APIP: variants seen among roughly 807,000 people sequenced by gnomAD.
APIP encodes APAF1 interacting protein.
A neutral mutation model predicts 32.0 loss-of-function variants in APIP; 32 were observed. That is an observed-to-expected ratio of 1.00 (90% confidence interval 0.76 to 1.34). The LOEUF is 1.34. Among genes scored for constraint, APIP ranks in the 40% most tolerant of loss-of-function variants. The pLI, the probability that APIP is intolerant of heterozygous loss-of-function variation, is 0.00. For missense variants in APIP, 247 were observed against 298.6 expected, an observed-to-expected ratio of 0.83 and a Z score of 1.27; for synonymous variants, 92 against 94.8, an observed-to-expected ratio of 0.97 and a Z score of 0.17.
intron 1 of APIP, among the ~76,000 whole-genome samples, chr11:34,908,099 A>G (rs1282706009): frequency 6.6e-6 from 1 of 152,256 alleles, no homozygotes; most frequent in African/African-American, 2.4e-5. Context: ...AAGATGTTAC[A>G]ACTGATTCAA....
intron 1 of APIP, among the ~76,000 whole-genome samples, chr11:34,913,030 T>C (rs1204804121): frequency 6.6e-6 from 1 of 152,054 alleles, no homozygotes; most frequent in African/African-American, 2.4e-5. Flanking sequence ...TAAAAGTCAT[T>C]CTTGACTTCT....
At chr11:34,889,738 G>A (rs1323590456) in intron 3 of APIP, among the ~76,000 whole-genome samples, 1 of 151,990 alleles carries the variant, frequency 6.6e-6, no homozygotes, top group East Asian at 1.9e-4. Flanking sequence ...TGCGGTATTT[G>A]ATTTTTCTGT....
At chr11:34,885,597 C>T (rs551349950) in intron 5 of APIP, among the ~76,000 whole-genome samples, 7 of 152,104 alleles carry the variant, frequency 4.6e-5, no homozygotes, top group African/African-American at 9.7e-5. Context: ...AATTGTCAGT[C>T]GGCCACTTTG....
At chr11:34,885,196 A>G (rs1243638680) in intron 5 of APIP, among the ~76,000 whole-genome samples, 2 of 148,190 alleles carry the variant, frequency 1.3e-5, no homozygotes, top group African/African-American at 2.5e-5. Context: ...ATATATACCT[A>G]TATAACTATA....
At chr11:34,895,667 C>T (rs1853256918) in intron 1 of APIP, among the ~76,000 whole-genome samples, 2 of 151,972 alleles carry the variant, frequency 1.3e-5, no homozygotes, top group South Asian at 4.1e-4. Flanking sequence ...AAGCAAATTA[C>T]AAAAAACACT....
At chr11:34,895,706 A>G (rs1853257517) in intron 1 of APIP, among the ~76,000 whole-genome samples, 1 of 152,046 alleles carries the variant, frequency 6.6e-6, no homozygotes, top group Admixed American at 6.6e-5. Flanking sequence ...ATACTTGCTT[A>G]ACCCATTTTA....
At chr11:34,891,383 T>C (rs1853184327) in intron 2 of APIP, among the ~76,000 whole-genome samples, 1 of 152,218 alleles carries the variant, frequency 6.6e-6, no homozygotes, top group Admixed American at 6.5e-5. Context: ...CTGGATATCT[T>C]TGATAACTTA....
chr11:34,895,144 A>C, intron 1 of APIP, 34 bp from the exon 2 acceptor site: 2 of 1,558,124 alleles, frequency 1.3e-6, no homozygotes, highest in Non-Finnish European at 1.8e-6. Context: ...TAAAACAGAC[A>C]TCATTTTATC....
chr11:34,897,294 C>G (rs1336646004), intron 1 of APIP, among the ~76,000 whole-genome samples: 1 of 152,118 alleles, frequency 6.6e-6, no homozygotes, highest in African/African-American at 2.4e-5. Context: ...AAGTCTAATC[C>G]ACATTACTGG....
intron 5 of APIP, among the ~76,000 whole-genome samples, chr11:34,884,375 A>T (rs555573331): frequency 1.6e-4 from 25 of 152,378 alleles, no homozygotes; most frequent in African/African-American, 6.0e-4. Flanking sequence ...CATTATCATT[A>T]AGAGTATAGA....
At chr11:34,883,301 G>A in intron 6 of APIP, 36 bp downstream of exon 6, 1 of 1,552,484 alleles carries the variant, frequency 6.4e-7, no homozygotes, top group Non-Finnish European at 8.7e-7. Flanking sequence ...TTAGCGGGTG[G>A]TAACTTGTTC....
At chr11:34,890,041 T>C (rs1343321376) in intron 3 of APIP, among the ~76,000 whole-genome samples, 1 of 152,184 alleles carries the variant, frequency 6.6e-6, no homozygotes, top group Non-Finnish European at 1.5e-5. Flanking sequence ...GTGTTTGCTT[T>C]AACTAGATTT....
intron 1 of APIP, among the ~76,000 whole-genome samples, chr11:34,912,375 G>A (rs1185710299): frequency 6.6e-6 from 1 of 152,178 alleles, no homozygotes; most frequent in Non-Finnish European, 1.5e-5. Flanking sequence ...TCTTGAGAGC[G>A]AAGGTTTTGG....
At chr11:34,886,937 T>A (rs1853082905) in intron 5 of APIP, among the ~76,000 whole-genome samples, 1 of 152,128 alleles carries the variant, frequency 6.6e-6, no homozygotes. Context: ...CCATCCACAG[T>A]GACAAGTGAC....
Position 34,888,908 on chromosome 11 carries a change from G to T in APIP, c.208-39C>A, listed in dbSNP as rs764438346. On this transcript the variant is annotated intron_variant, in intron 3 of 6. Transcript: ENST00000395787. ...GGAAAAAAAGAAAAAAAGAAGGCTT[G>T]TAAAATATCAATTAGAAATGTTCCT... 28 of 1,196,846 alleles carry T rather than the reference G, an allele frequency of 2.3e-5. No homozygotes were observed. The South Asian group carries it at 4.7e-4, about 20-fold the overall frequency. The allele number at this position is 1,196,846 out of a possible 1,614,324, so 74.1% of individuals were successfully genotyped here. A position where few individuals can be genotyped will look rare whatever the true frequency, so the allele number is the denominator to read the frequency against.
At chr11:34,893,868 C>T (rs967127687) in intron 2 of APIP, among the ~76,000 whole-genome samples, 1 of 152,180 alleles carries the variant, frequency 6.6e-6, no homozygotes, top group Non-Finnish European at 1.5e-5. Flanking sequence ...ATATGCAATG[C>T]AGCCTCCTTG....
At chr11:34,888,946 A>G (rs998545693) in intron 3 of APIP, 77 bp from the exon 4 acceptor site, 7 of 821,292 alleles carry the variant, frequency 8.5e-6, no homozygotes, top group Middle Eastern at 2.3e-4. Flanking sequence ...TCTTGTGTAC[A>G]TATACATAAG....
At chr11:34,905,964 G>A (rs187710617) in intron 1 of APIP, among the ~76,000 whole-genome samples, 93 of 152,244 alleles carry the variant, frequency 6.1e-4, no homozygotes, top group East Asian at 4.0e-3. Flanking sequence ...CTAATTTTTC[G>A]AAACTCCATT....
intron 2 of APIP, among the ~76,000 whole-genome samples, chr11:34,891,338 C>T (rs773447932): frequency 6.6e-6 from 1 of 152,156 alleles, no homozygotes; most frequent in Non-Finnish European, 1.5e-5. Context: ...AAACAAACGT[C>T]CCTTGGCTCA....
Sources: allele counts gnomAD v4.1 joint callset (sites outside exome capture counted in the v4.1 genomes callset), GRCh38; gene constraint gnomAD v4.1.1; transcripts MANE v1.5; gene names NCBI Gene and HGNC (gene_info 2026-07-23, HGNC 2026-07-21).